The following LRRK1 variants were observed in gnomAD, a reference collection of about 807,000 sequenced individuals.
LRRK1 encodes leucine-rich repeat serine/threonine-protein kinase 1.
LRRK1 carries 113 observed loss-of-function variants against 209.1 expected under a neutral mutation model. That is an observed-to-expected ratio of 0.54 (90% CI 0.46 to 0.63). LRRK1 has a LOEUF of 0.63. Ranked by LOEUF, LRRK1 falls within the 30% of genes least tolerant of loss-of-function variation. The pLI, the probability that LRRK1 is intolerant of heterozygous loss-of-function variation, is 0.00. For missense variants in LRRK1, 2,284 were observed against 2,632.2 expected, an observed-to-expected ratio of 0.87 and a Z score of 2.89; for synonymous variants, 1,144 against 1,099.7, an observed-to-expected ratio of 1.04 and a Z score of -0.80.
intron 3 of LRRK1, among the ~76,000 whole-genome samples, chr15:100,975,453 A>G (rs1443156299): frequency 6.6e-6 from 1 of 152,208 alleles, no homozygotes; most frequent in African/African-American, 2.4e-5. Context: ...ATATTTGAAT[A>G]AAGGAAAACA....
At chr15:101,064,042 C>T (rs1202382886) in intron 31 of LRRK1, among the ~76,000 whole-genome samples, 1 of 152,244 alleles carries the variant, frequency 6.6e-6, no homozygotes, top group Non-Finnish European at 1.5e-5. Context: ...GTGTCTGCCC[C>T]CTCCAAGGCC....
rs74040252 is a variant in LRRK1, at chr15:101,027,004, G to A, written c.2406-257G>A. Among the ~76,000 whole-genome samples, 10,673 of 152,120 alleles carry A rather than the reference G, an allele frequency of 0.07. 1,221 individuals are homozygous for A. The highest frequency in any genetic ancestry group is 0.24 in the African/African-American group (9,879 of 41,434). On this transcript the variant is annotated intron_variant, in intron 17 of 33. Coordinates refer to ENST00000388948, the MANE Select transcript of LRRK1 (RefSeq NM_024652.6). The surrounding 1 kb of genome is among the most constrained non-coding windows in gnomAD (Gnocchi z 5.1). Reference sequence around the variant, plus strand: ...CCCAGCCTGTACCCTTGGGGGTCTCGGTGTACCTCTGCACCTCACTTTCCT... The same window carrying A: ...CCCAGCCTGTACCCTTGGGGGTCTCAGTGTACCTCTGCACCTCACTTTCCT...
chr15:101,045,926 C>A (rs2035050257), intron 20 of LRRK1, 55 bp from the exon 21 acceptor site: 4 of 1,495,006 alleles, frequency 2.7e-6, no homozygotes, highest in Admixed American at 1.7e-5. Flanking sequence ...GGGGTCAGGG[C>A]CCTGCAGTGG....
chr15:101,052,615 C>T (rs534681186), intron 24 of LRRK1, among the ~76,000 whole-genome samples: 17 of 152,342 alleles, frequency 1.1e-4, no homozygotes, highest in African/African-American at 4.1e-4. Context: ...CAGAAGAAAA[C>T]TTCCAAAGGG....
intron 6 of LRRK1, among the ~76,000 whole-genome samples, chr15:101,004,334 G>A (rs1234489311): frequency 6.6e-6 from 1 of 152,142 alleles, no homozygotes. Context: ...TCTGCTAAAG[G>A]CGGAGTGGGC....
intron 16 of LRRK1, 60 bp downstream of exon 16, chr15:101,025,027 G>A (rs745850192): frequency 8.8e-5 from 135 of 1,535,358 alleles, no homozygotes; most frequent in East Asian, 7.2e-4. Flanking sequence ...AGGTCCCACC[G>A]CTTCCCTCAA....
chr15:100,972,297 A>C (rs1319713165), intron 2 of LRRK1, among the ~76,000 whole-genome samples: 2 of 151,230 alleles, frequency 1.3e-5, no homozygotes, highest in African/African-American at 2.4e-5. Context: ...TTTTCTTGGG[A>C]TATAAGAATT....
Position 101,068,807 on chromosome 15 carries a change from G to C in LRRK1, c.6007G>C (p.Glu2003Gln). 1 of 1,611,624 alleles carries C rather than the reference G, an allele frequency of 6.2e-7. No individual in the cohort carries two copies. The highest frequency in any genetic ancestry group is 1.1e-5 in the South Asian group (1 of 90,862). The change falls in exon 34 of 34, where the codon GAG becomes CAG. Residue 2003 changes from glutamate (E) to glutamine (Q), a missense_variant. Physicochemically the swap from Glu to Gln is conservative, Grantham distance 29 (BLOSUM62 2). Transcript: ENST00000388948. The stretch of plus-strand genomic sequence containing the variant: ...CGACATTTTCTACCAGTCCTACGAG[G>C]AGCTGGGCCGGCTGGAGGCTTGCAC... Reference protein sequence around the residue: ...EFDIFYQSYEELGRLEACTRK... With the variant: ...EFDIFYQSYEQLGRLEACTRK...
At chr15:100,949,731 T>A (rs2042608642) in intron 2 of LRRK1, among the ~76,000 whole-genome samples, 1 of 152,144 alleles carries the variant, frequency 6.6e-6, no homozygotes, top group Non-Finnish European at 1.5e-5. Context: ...ATCAATATAA[T>A]AATCCATATT....
intron 2 of LRRK1, among the ~76,000 whole-genome samples, chr15:100,950,186 G>A (rs1000098710): frequency 2.1e-4 from 32 of 152,038 alleles, no homozygotes; most frequent in Non-Finnish European, 3.5e-4. Context: ...AATCAATTGT[G>A]GTTGTATGAA....
At chr15:101,018,485 G>A (rs973955551) in intron 12 of LRRK1, among the ~76,000 whole-genome samples, 3 of 123,730 alleles carry the variant, frequency 2.4e-5, no homozygotes, top group African/African-American at 6.1e-5. Context: ...CCTCGGTCAC[G>A]CAAGCCACTT....
chr15:100,983,910 T>C, intron 4 of LRRK1: 1 of 720,750 alleles, frequency 1.4e-6, no homozygotes, highest in South Asian at 1.4e-5. Flanking sequence ...TCAAACACCA[T>C]ATTTCATAAA....
intron 23 of LRRK1, among the ~76,000 whole-genome samples, chr15:101,050,993 G>A (rs999377555): frequency 1.3e-5 from 2 of 152,224 alleles, no homozygotes; most frequent in Admixed American, 6.5e-5. Context: ...ACCTGAGATG[G>A]AAAGGGCTCT....
intron 6 of LRRK1, among the ~76,000 whole-genome samples, chr15:101,005,967 A>G (rs1267527592): frequency 2.0e-5 from 3 of 152,274 alleles, no homozygotes; most frequent in South Asian, 2.1e-4. Flanking sequence ...TCAGGCCAGG[A>G]TCAGCAACGG....
In LRRK1 at chr15:101,015,365, C is replaced by T. The variant is rs375733293; in HGVS notation, c.1572C>T (p.Phe524=). ...DGLKTKRIAF[F]TTRGRQRSGT... is the part of the protein sequence containing the mutation. ...TGAAAACGAAGCGTATTGCCTTTTT[C>T]ACCACCAGAGGTCGCCAGCGCTCCG... Residue 524 remains phenylalanine, a synonymous_variant, in exon 12 of 34, where the codon TTC becomes TTT. Coordinates refer to ENST00000388948, the MANE Select transcript of LRRK1 (RefSeq NM_024652.6). 23 of 1,613,822 alleles carry T rather than the reference C, an allele frequency of 1.4e-5. No homozygotes were observed. The highest frequency in any genetic ancestry group is 1.1e-4 in the African/African-American group (8 of 75,028).
At chr15:100,924,772 C>T in intron 2 of LRRK1, 43 bp downstream of exon 2, 1 of 1,435,558 alleles carries the variant, frequency 7.0e-7, no homozygotes, top group Non-Finnish European at 9.8e-7. Context: ...GTGTGACCTG[C>T]CATGCTCATC....
chr15:101,018,334 C>G (rs2033636094), intron 12 of LRRK1, among the ~76,000 whole-genome samples: 1 of 152,174 alleles, frequency 6.6e-6, no homozygotes, highest in South Asian at 2.1e-4. Context: ...CATAACTGAT[C>G]CTTTTATAAA....
intron 12 of LRRK1, among the ~76,000 whole-genome samples, chr15:101,015,721 C>T (rs1283732993): frequency 6.6e-6 from 1 of 152,220 alleles, no homozygotes; most frequent in Non-Finnish European, 1.5e-5. Context: ...TTCTCATCCT[C>T]ACAACGTGAG....
At chr15:101,004,857 A>G (rs533766609) in intron 6 of LRRK1, among the ~76,000 whole-genome samples, 21 of 152,350 alleles carry the variant, frequency 1.4e-4, no homozygotes, top group African/African-American at 5.1e-4. Context: ...TATTTGTACC[A>G]TAATTGGGTC....
Sources: gnomAD v4.1 joint callset for allele counts (sites outside exome capture counted in the v4.1 genomes callset) on GRCh38, gnomAD v4.1.1 for gene constraint, Gnocchi (gnomAD v3.1) non-coding constraint, MANE v1.5 for transcripts, NCBI Gene and HGNC (gene_info 2026-07-23, HGNC 2026-07-21) for gene names.